THRA: variants seen among roughly 807,000 people sequenced by gnomAD.
The protein encoded by THRA is EAR-7.
THRA carries 13 observed loss-of-function variants against 45.0 expected under a neutral mutation model. That is an observed-to-expected ratio of 0.29 (90% confidence interval 0.19 to 0.46). The LOEUF (loss-of-function observed/expected upper bound fraction) is 0.46, where lower values mean the gene tolerates loss of function less well. Among genes scored for constraint, THRA ranks in the 20% least tolerant of loss-of-function variants. The pLI, the probability that THRA is intolerant of heterozygous loss-of-function variation, is 1.00. For synonymous variants in THRA, 195 were observed against 214.0 expected (o/e 0.91, Z 0.78); for missense variants, 278 against 556.1 (o/e 0.50, Z 5.03).
chr17:40,082,745 A>G (rs1210115503), intron 4 of THRA, among the ~76,000 whole-genome samples: 2 of 140,074 alleles, frequency 1.4e-5, no homozygotes, highest in East Asian at 2.2e-4. Context: ...CTGCTACACT[A>G]TAGAATCGCA....
intron 4 of THRA, among the ~76,000 whole-genome samples, chr17:40,080,643 C>T (rs1037345403): frequency 2.0e-5 from 3 of 151,842 alleles, no homozygotes; most frequent in Non-Finnish European, 4.4e-5. Flanking sequence ...CTTGGCCCCA[C>T]CCTTGGATAG....
chr17:40,076,333 G>A (rs547172515), intron 2 of THRA, among the ~76,000 whole-genome samples: 2 of 152,192 alleles, frequency 1.3e-5, no homozygotes, highest in Admixed American at 6.5e-5. Context: ...TGAGGTGCCT[G>A]TGCAGAGTGT....
intron 4 of THRA, among the ~76,000 whole-genome samples, chr17:40,079,594 T>C (rs900268984): frequency 5.9e-5 from 9 of 152,102 alleles, no homozygotes; most frequent in African/African-American, 2.2e-4. Flanking sequence ...TGCAAGGCCT[T>C]CCAAGAAACA....
rs545362823 is a variant in THRA at position 40,066,395 on chromosome 17, G to A, written c.-298+3303G>A. Among the ~76,000 whole-genome samples the A allele has an allele frequency of 2.1e-3, 325 of 152,212 alleles. 2 individuals are homozygous for A. The highest frequency in any genetic ancestry group is 7.2e-3 in the African/African-American group (300 of 41,530). On this transcript the variant is annotated intron_variant, in intron 1 of 8. Transcript: ENST00000450525. ...AACAAGGCATTGGGCCGGGCACAGT[G>A]GCTCACACCCGTAATCCTAGCACAC... is the stretch of plus-strand genomic sequence containing the variant.
Position 40,084,608 on chromosome 17 carries a change from A to G in THRA, c.371-2A>G. The G allele has an allele frequency of 6.2e-7, 1 of 1,614,086 alleles. No individual in the cohort carries two copies. Among genetic ancestry groups the G allele is most frequent in the Non-Finnish European group, 8.5e-7 (1 of 1,179,984 alleles). On this transcript the variant is annotated splice_acceptor_variant, in intron 5 of 8. Transcript: ENST00000450525. LOFTEE classifies it high-confidence loss of function. ...TTAGACCTTGTGCCTCTCTGTTCACAGTGGTTCTAGATGACTCGAAGCGGG... is the reference window on the plus strand; with the variant it reads ...TTAGACCTTGTGCCTCTCTGTTCACGGTGGTTCTAGATGACTCGAAGCGGG...
intron 6 of THRA, among the ~76,000 whole-genome samples, chr17:40,086,199 G>T (rs1428120476): frequency 6.6e-6 from 1 of 152,198 alleles, no homozygotes; most frequent in East Asian, 1.9e-4. Flanking sequence ...TCATGGTGGA[G>T]CATGCCGGGG....
Position 40,090,103 on chromosome 17 carries a change from A to G in THRA, c.*647A>G. 1.1e-6 allele frequency: 1 copy of G among 915,902 alleles called. No homozygotes were observed. Among genetic ancestry groups the G allele is most frequent in the Non-Finnish European group, 1.3e-6 (1 of 766,498 alleles). The allele number at this position is 915,902 out of a possible 1,614,324, so 56.7% of individuals were successfully genotyped here. The stretch of plus-strand genomic sequence containing the variant: ...GATATTAAGTTATTAACTGAGGCTG[A>G]CCAGAGGGGAGGACCCCCCCTTTAC... On this transcript the variant is annotated 3_prime_UTR_variant, in exon 9 of 9. Transcript: ENST00000450525.
chr17:40,074,620 C>A, intron 2 of THRA, 79 bp downstream of exon 2: 1 of 1,479,576 alleles, frequency 6.8e-7, no homozygotes, highest in South Asian at 1.2e-5. Flanking sequence ...CTTTAGGCAC[C>A]GCCTTTAAGC....
At chr17:40,088,908 C>T (rs937093480) in intron 8 of THRA, among the ~76,000 whole-genome samples, 1 of 151,316 alleles carries the variant, frequency 6.6e-6, no homozygotes, top group Non-Finnish European at 1.5e-5. Flanking sequence ...CCACCAACCT[C>T]AGTCCTCCCC....
chr17:40,088,636 C>A, intron 8 of THRA, 136 bp downstream of exon 8: 1 of 1,118,286 alleles, frequency 8.9e-7, no homozygotes, highest in Non-Finnish European at 1.3e-6. Flanking sequence ...ATCCCCTATC[C>A]CCTGTTCCTT....
intron 7 of THRA, among the ~76,000 whole-genome samples, chr17:40,087,414 G>GCACACA (rs112827341): frequency 7.5e-5 from 9 of 119,246 alleles, no homozygotes; most frequent in African/African-American, 2.7e-4. Flanking sequence ...CAGCACACAG[G>GCACACA]CACACACACA....
At chr17:40,078,670 A>T (rs1987033891) in intron 4 of THRA, among the ~76,000 whole-genome samples, 1 of 151,994 alleles carries the variant, frequency 6.6e-6, no homozygotes, top group Non-Finnish European at 1.5e-5. Flanking sequence ...TGTTATTCAA[A>T]ATGTGGTTCA....
intron 2 of THRA, among the ~76,000 whole-genome samples, chr17:40,074,753 T>TA (rs1986892121): frequency 6.6e-6 from 1 of 152,314 alleles, no homozygotes; most frequent in South Asian, 2.1e-4. Flanking sequence ...CGGGGAGCGA[T>TA]ACAGAGCAAT....
intron 4 of THRA, among the ~76,000 whole-genome samples, chr17:40,081,199 T>C (rs1987126171): frequency 6.6e-6 from 1 of 152,124 alleles, no homozygotes; most frequent in African/African-American, 2.4e-5. Flanking sequence ...TCCTACCTCA[T>C]AGGGTTGTCT....
At chr17:40,085,490 T>G (rs566788186) in intron 6 of THRA, among the ~76,000 whole-genome samples, 1 of 149,346 alleles carries the variant, frequency 6.7e-6, no homozygotes, top group Non-Finnish European at 1.5e-5. Flanking sequence ...CTGGCCACCA[T>G]GCCTGGCTAA....
In THRA at chr17:40,091,266, A is replaced by ACACACACC; in HGVS notation, c.*1815_*1816insACCCACAC. On this transcript the variant is annotated 3_prime_UTR_variant, in exon 9 of 9. Coordinates refer to ENST00000450525, the MANE Select transcript of THRA (RefSeq NM_199334.5). ...CACACACACACACACACACACACAC[A>ACACACACC]CACACGGACATGCACACACGGACAT... is the stretch of plus-strand genomic sequence containing the variant. 6.5e-6 allele frequency: 1 copy of ACACACACC among 153,690 alleles called. No homozygotes were observed. The highest frequency in any genetic ancestry group is 2.5e-5 in the African/African-American group (1 of 39,864). The allele number at this position is 153,690 out of a possible 1,614,324, so 9.5% of individuals were successfully genotyped here.
chr17:40,086,262 G>A (rs1339255357), intron 6 of THRA, among the ~76,000 whole-genome samples: 21 of 152,188 alleles, frequency 1.4e-4, no homozygotes, highest in Admixed American at 1.4e-3. Context: ...AAGCAGATGT[G>A]TAACAGTCAC....
chr17:40,087,417 C>A (rs1043809670), intron 7 of THRA, among the ~76,000 whole-genome samples: 4 of 148,618 alleles, frequency 2.7e-5, no homozygotes, highest in Admixed American at 1.4e-4. Flanking sequence ...CACACAGGCA[C>A]ACACACACAC....
Position 40,074,334 on chromosome 17 carries a change from T to G in THRA, c.-155T>G. ...GCCCCCCTTGGGGCGCAGGGCATGG[T>G]GTGAAAGGCCAAGTGCTGAGGCGGG... On this transcript the variant is annotated 5_prime_UTR_variant, in exon 2 of 9. Coordinates refer to ENST00000450525, the MANE Select transcript of THRA (RefSeq NM_199334.5). 1 of 761,412 alleles carries G rather than the reference T, an allele frequency of 1.3e-6. No homozygotes were observed. Among genetic ancestry groups the G allele is most frequent in the East Asian group, 2.7e-5 (1 of 36,556 alleles). 47.2% of individuals were successfully genotyped at this position (761,412 alleles called of 1,614,324 possible).
Sources: allele counts gnomAD v4.1 joint callset (sites outside exome capture counted in the v4.1 genomes callset), GRCh38; gene constraint gnomAD v4.1.1; transcripts MANE v1.5; gene names NCBI Gene and HGNC (gene_info 2026-07-23, HGNC 2026-07-21).